NPC1: variants seen among roughly 807,000 people sequenced by gnomAD.
NPC1 encodes the protein NPC intracellular cholesterol transporter 1.
In NPC1, 85 loss-of-function variants were observed where a neutral mutation model predicts 140.4. The observed-to-expected ratio is 0.61, with a 90% CI of 0.51 to 0.72. The LOEUF (loss-of-function observed/expected upper bound fraction) is 0.72. Ranked by LOEUF, NPC1 falls within the 30% of genes least tolerant of loss-of-function variation. The pLI, the probability that NPC1 is intolerant of heterozygous loss-of-function variation, is 0.00. For missense variants in NPC1, 1,504 were observed against 1,623.8 expected, an observed-to-expected ratio of 0.93 and a Z score of 1.27; for synonymous variants, 656 against 624.8, an observed-to-expected ratio of 1.05 and a Z score of -0.74.
downstream of NPC1, among the ~76,000 whole-genome samples, chr18:23,521,532 C>T (rs756115949): frequency 9.2e-5 from 14 of 152,172 alleles, no homozygotes; most frequent in Non-Finnish European, 1.8e-4. Context: ...TTACCCAAAT[C>T]AGTCCTCCTT....
downstream of NPC1, chr18:23,529,423 G>A (rs2058416076): frequency 1.4e-6 from 2 of 1,434,266 alleles, no homozygotes; most frequent in East Asian, 4.8e-5. Context: ...GTTTCCTTGG[G>A]TGAGGCCCTA....
At chr18:23,560,781 C>T (rs897939756) in intron 5 of NPC1, among the ~76,000 whole-genome samples, 4 of 152,184 alleles carry the variant, frequency 2.6e-5, no homozygotes, top group African/African-American at 9.7e-5. Flanking sequence ...AATACTATAG[C>T]AGAGCTCTAG....
downstream of NPC1, chr18:23,526,506 C>A: frequency 9.3e-7 from 1 of 1,078,214 alleles, no homozygotes; most frequent in African/African-American, 1.6e-5. Context: ...GAAGGAAAAG[C>A]TACACTGACT....
At chr18:23,526,446 T>TA (rs1354905232), downstream of NPC1, among the ~76,000 whole-genome samples, 1 of 152,138 alleles carries the variant, frequency 6.6e-6, no homozygotes, top group Non-Finnish European at 1.5e-5. Flanking sequence ...CCTCCTGTGG[T>TA]AGACACGCTC....
At chr18:23,524,189 G>A in intron 1 of NPC1, 1 of 1,613,066 alleles carries the variant, frequency 6.2e-7, no homozygotes, top group Non-Finnish European at 8.5e-7. Flanking sequence ...CCTTTACTAA[G>A]GTGTGGCACC....
chr18:23,563,991 T>TTTG (rs1567972993), intron 4 of NPC1, among the ~76,000 whole-genome samples: 7 of 133,210 alleles, frequency 5.3e-5, no homozygotes, highest in African/African-American at 2.5e-4. Flanking sequence ...GTAAGAGTTT[T>TTTG]TTTTTTTTTT....
At chr18:23,552,655 T>C (rs1366687951) in intron 9 of NPC1, among the ~76,000 whole-genome samples, 1 of 152,144 alleles carries the variant, frequency 6.6e-6, no homozygotes, top group African/African-American at 2.4e-5. Context: ...AGTTGGCCAG[T>C]GGAGAGTGAA....
intron 1 of NPC1, among the ~76,000 whole-genome samples, chr18:23,584,814 G>T (rs1366954885): frequency 6.6e-6 from 1 of 152,168 alleles, no homozygotes; most frequent in Non-Finnish European, 1.5e-5. Context: ...AGCCGAGATT[G>T]CGCCACTACA....
chr18:23,572,602 G>T (rs2059219145), intron 2 of NPC1, among the ~76,000 whole-genome samples: 1 of 152,226 alleles, frequency 6.6e-6, no homozygotes, highest in South Asian at 2.1e-4. Context: ...GGAAGGCTGA[G>T]GAGGGTGGAT....
At chr18:23,560,894 C>G (rs1465367761) in intron 5 of NPC1, among the ~76,000 whole-genome samples, 2 of 152,224 alleles carry the variant, frequency 1.3e-5, no homozygotes, top group African/African-American at 2.4e-5. Context: ...CCCAGCACCC[C>G]CTAAATTAGC....
downstream of NPC1, chr18:23,529,707 G>C: frequency 1.9e-6 from 3 of 1,612,822 alleles, no homozygotes; most frequent in Non-Finnish European, 2.5e-6. Context: ...TCAGATTGCA[G>C]TACAGGTACC....
chr18:23,532,793 A>C, intron 24 of NPC1: 1 of 782,000 alleles, frequency 1.3e-6, no homozygotes, highest in African/African-American at 1.9e-5. Context: ...TCATTTTCTT[A>C]ATCTTCTACT....
At chr18:23,556,814 C>T (rs1373752370) in intron 7 of NPC1, 2 of 809,532 alleles carry the variant, frequency 2.5e-6, no homozygotes, top group South Asian at 1.6e-5. Context: ...CTATTCCCAC[C>T]CCACAGAGGA....
At chr18:23,509,231 T>C (rs1238858075) in intron 3 of NPC1, 7 of 1,468,066 alleles carry the variant, frequency 4.8e-6, no homozygotes, top group Non-Finnish European at 6.3e-6. Context: ...GCTGGACTAG[T>C]TCAACTGAAA....
intron 4 of NPC1, 90 bp downstream of exon 4, chr18:23,568,733 T>C (rs1875224134): frequency 9.4e-7 from 1 of 1,061,276 alleles, no homozygotes; most frequent in Admixed American, 1.8e-5. Flanking sequence ...AATTGTGATT[T>C]TCCAGAGTTG....
chr18:23,506,840 G>A (rs376671676), intron 3 of NPC1: 7 of 671,702 alleles, frequency 1.0e-5, no homozygotes, highest in South Asian at 3.2e-5. Flanking sequence ...GATGGCTTCC[G>A]AAACATAATT....
At chr18:23,566,477 G>A (rs897696304) in intron 4 of NPC1, among the ~76,000 whole-genome samples, 22 of 152,174 alleles carry the variant, frequency 1.4e-4, no homozygotes, top group African/African-American at 5.1e-4. Context: ...AGGTGTGGTG[G>A]CTCACACCTA....
downstream of NPC1, chr18:23,519,238 C>A: frequency 6.9e-7 from 1 of 1,449,732 alleles, no homozygotes; most frequent in South Asian, 1.1e-5. Context: ...AAATTGGTGG[C>A]TGGGCACGGT....
At chr18:23,586,192 A>G (rs567429433) in intron 1 of NPC1, 95 bp downstream of exon 1, 1 of 1,361,920 alleles carries the variant, frequency 7.3e-7, no homozygotes, top group African/African-American at 1.5e-5. Context: ...CTTCCCCAGG[A>G]CCCGGGCCTG....
Sources: gnomAD v4.1 joint callset for allele counts (sites outside exome capture counted in the v4.1 genomes callset) on GRCh38, gnomAD v4.1.1 for gene constraint, MANE v1.5 for transcripts, NCBI Gene and HGNC (gene_info 2026-07-23, HGNC 2026-07-21) for gene names.